Variants in EYA1 observed in about 807,000 individuals in gnomAD.
The protein encoded by EYA1 is EYA transcriptional coactivator and phosphatase 1, also known as protein phosphatase EYA1.
Under a neutral mutation model 82.0 loss-of-function variants are expected in EYA1, and 16 were observed. The ratio of observed to expected loss-of-function variants is 0.20; its 90% CI spans 0.13 to 0.30. EYA1 has a LOEUF of 0.30. EYA1 is among the 10% of genes least tolerant of loss of function. The probability of loss-of-function intolerance (pLI) is 1.00; values close to 1 mark genes in which losing one functional copy is unlikely to be tolerated. For synonymous variants in EYA1, 261 were observed against 264.4 expected (o/e 0.99, Z 0.12); for missense variants, 633 against 730.7 (o/e 0.87, Z 1.54).
chr8:71,430,915 AAAC>A (rs1805572599), intron 2 of EYA1, among the ~76,000 whole-genome samples: 1 of 152,048 alleles, frequency 6.6e-6, no homozygotes, highest in South Asian at 2.1e-4. Context: ...AAAAAAAAAA[AAAC>A]ACTACAGGGC....
At chr8:71,233,634 C>G (rs1811497297) in intron 12 of EYA1, among the ~76,000 whole-genome samples, 1 of 150,978 alleles carries the variant, frequency 6.6e-6, no homozygotes, top group Non-Finnish European at 1.5e-5. Flanking sequence ...GTTTTTTAAT[C>G]CCCAAACTGG....
intron 9 of EYA1, among the ~76,000 whole-genome samples, chr8:71,278,648 T>G (rs1350353515): frequency 6.6e-6 from 1 of 152,246 alleles, no homozygotes; most frequent in African/African-American, 2.4e-5. Flanking sequence ...TCATATCTAC[T>G]GATACTTCTC....
intron 2 of EYA1, among the ~76,000 whole-genome samples, chr8:71,527,148 GA>G (rs78306831): frequency 0.099 from 14,966 of 151,888 alleles, 1,582 homozygotes; most frequent in East Asian, 0.48. Flanking sequence ...GAAGATTTGG[GA>G]AAAAAAGAGA....
At chr8:71,307,767 T>G (rs538807401) in intron 7 of EYA1, among the ~76,000 whole-genome samples, 1 of 152,204 alleles carries the variant, frequency 6.6e-6, no homozygotes, top group Admixed American at 6.5e-5. Context: ...CCACATACCA[T>G]CGGAGCATGC....
intron 9 of EYA1, among the ~76,000 whole-genome samples, chr8:71,291,830 A>G (rs1819030134): frequency 6.6e-6 from 1 of 152,172 alleles, no homozygotes; most frequent in African/African-American, 2.4e-5. Flanking sequence ...ATCTCATGGT[A>G]TATTGTAAGA....
intron 7 of EYA1, among the ~76,000 whole-genome samples, chr8:71,315,481 C>T (rs954045376): frequency 6.6e-6 from 1 of 152,172 alleles, no homozygotes; most frequent in Non-Finnish European, 1.5e-5. Context: ...CTGGATACCA[C>T]GGGCACCCTG....
At chr8:71,325,527 GA>G (rs1280352028) in intron 4 of EYA1, among the ~76,000 whole-genome samples, 1 of 152,166 alleles carries the variant, frequency 6.6e-6, no homozygotes, top group African/African-American at 2.4e-5. Context: ...TGTTTAAAAA[GA>G]ATGTGAGAAT....
chr8:71,289,424 C>A (rs1818757414), intron 9 of EYA1, among the ~76,000 whole-genome samples: 1 of 152,212 alleles, frequency 6.6e-6, no homozygotes, highest in Admixed American at 6.5e-5. Context: ...ACATTTAACA[C>A]ATAGTTAACT....
intron 2 of EYA1, among the ~76,000 whole-genome samples, chr8:71,487,647 C>T (rs1223408664): frequency 1.3e-5 from 2 of 152,050 alleles, no homozygotes; most frequent in African/African-American, 4.8e-5. Flanking sequence ...ATAAACAATT[C>T]AATTTTTTAA....
chr8:71,453,174 T>C (rs980803681), intron 2 of EYA1, among the ~76,000 whole-genome samples: 3 of 152,144 alleles, frequency 2.0e-5, no homozygotes, highest in Admixed American at 2.0e-4. Context: ...GTATCAGTGA[T>C]TGAAGATCAA....
chr8:71,262,032 T>C (rs1046449612), intron 11 of EYA1, among the ~76,000 whole-genome samples: 3 of 152,218 alleles, frequency 2.0e-5, no homozygotes, highest in Admixed American at 2.0e-4. Flanking sequence ...GGCATTCCCA[T>C]GCCCACAGAA....
chr8:71,495,806 T>G (rs1372785754), intron 2 of EYA1, among the ~76,000 whole-genome samples: 1 of 152,152 alleles, frequency 6.6e-6, no homozygotes, highest in Non-Finnish European at 1.5e-5. Context: ...TTAGCAGATA[T>G]GAGTGGTCTC....
chr8:71,388,162 C>A (rs965514040), intron 2 of EYA1, among the ~76,000 whole-genome samples: 1 of 152,154 alleles, frequency 6.6e-6, no homozygotes, highest in Non-Finnish European at 1.5e-5. Flanking sequence ...GTGATTCAGA[C>A]CTAATCCTGC....
intron 2 of EYA1, among the ~76,000 whole-genome samples, chr8:71,446,044 T>A (rs1806849133): frequency 6.6e-6 from 1 of 152,192 alleles, no homozygotes; most frequent in African/African-American, 2.4e-5. Context: ...ATATATATAT[T>A]TTTAAAACAT....
At chr8:71,404,710 A>AT (rs766124369) in intron 2 of EYA1, 1,578 of 152,376 alleles carry the variant, frequency 0.01, 19 homozygotes, top group South Asian at 0.031. Flanking sequence ...CGACGTCAGG[A>AT]GATCGAGACC....
chr8:71,323,916 C>G (rs955481701), intron 4 of EYA1: 3 of 152,236 alleles, frequency 2.0e-5, no homozygotes, highest in African/African-American at 7.2e-5. Flanking sequence ...TCTTCTGCTC[C>G]TCTAAGACAG....
At chr8:71,460,638 C>T (rs1267218668) in intron 2 of EYA1, among the ~76,000 whole-genome samples, 2 of 152,208 alleles carry the variant, frequency 1.3e-5, no homozygotes, top group African/African-American at 2.4e-5. Context: ...AATGCGAAGA[C>T]AGGACTTAAC....
chr8:71,272,863 A>G (rs1451022948), intron 9 of EYA1, among the ~76,000 whole-genome samples: 5 of 149,630 alleles, frequency 3.3e-5, no homozygotes, highest in African/African-American at 1.2e-4. Context: ...TCCATCTAAG[A>G]TGAGGAATGA....
chr8:71,351,613 C>A (rs910165851), intron 3 of EYA1, among the ~76,000 whole-genome samples: 1 of 152,192 alleles, frequency 6.6e-6, no homozygotes, highest in Non-Finnish European at 1.5e-5. Flanking sequence ...AAGCACAGTA[C>A]TTGAGGCTGT....
Sources: allele counts gnomAD v4.1 joint callset (sites outside exome capture counted in the v4.1 genomes callset), GRCh38; gene constraint gnomAD v4.1.1; transcripts MANE v1.5; gene names NCBI Gene and HGNC (gene_info 2026-07-23, HGNC 2026-07-21).